Variants in ATL2 observed in about 807,000 individuals in gnomAD.
ATL2 encodes the protein atlastin-2.
In ATL2, 31 loss-of-function variants were observed where a neutral mutation model predicts 73.9. That is an observed-to-expected ratio of 0.42 (90% confidence interval 0.32 to 0.57). ATL2 has a LOEUF of 0.57. Ranked by LOEUF, ATL2 falls within the 20% of genes least tolerant of loss-of-function variation. ATL2 has a pLI of 0.14. For synonymous variants in ATL2, 291 were observed against 237.5 expected, an observed-to-expected ratio of 1.23 and a Z score of -2.07; for missense variants, 738 against 702.6, an observed-to-expected ratio of 1.05 and a Z score of -0.57.
At position 38,372,976 on chromosome 2, in the gene ATL2, C is replaced by A. The variant is rs564884007; in HGVS notation, c.118+4167G>T. Among the ~76,000 whole-genome samples the A allele has an allele frequency of 3.9e-5, 6 of 152,276 alleles. No homozygotes were observed. In the South Asian group the frequency reaches 1.2e-3, roughly 32 times the overall value. On this transcript the variant is annotated intron_variant, in intron 1 of 12. Coordinates refer to ENST00000378954, the MANE Select transcript of ATL2 (RefSeq NM_001135673.4). ...CAAATATACACATTATATATAATAG[C>A]ATAATAACACAAGTAGTCACACTGG...
chr2:38,296,043 G>C lies in ATL2; in HGVS notation c.1703C>G (p.Ala568Gly), dbSNP rs1364761487. 1.9e-6 allele frequency: 3 copies of C among 1,551,780 alleles called. No individual in the cohort carries two copies. In the Admixed American group the frequency reaches 5.9e-5, roughly 30 times the overall value. The change falls in exon 13 of 13, where the codon GCA becomes GGA. Residue 568 changes from alanine to glycine, a missense_variant. Ala to Gly is a moderately conservative substitution (Grantham distance 60, BLOSUM62 0). Coordinates refer to ENST00000378954, the MANE Select transcript of ATL2 (RefSeq NM_001135673.4). ...IRQSVTNSIK[A>G]GLTDQVSHHA... ...ATGAGACACCTGGTCAGTCAGGCCTGCTTTGATAGAGTTTGTTACAGACTG... is the reference window on the plus strand; with the variant it reads ...ATGAGACACCTGGTCAGTCAGGCCTCCTTTGATAGAGTTTGTTACAGACTG...
intron 1 of ATL2, among the ~76,000 whole-genome samples, chr2:38,353,527 T>C (rs1670480981): frequency 6.6e-6 from 1 of 152,158 alleles, no homozygotes; most frequent in Admixed American, 6.6e-5. Flanking sequence ...GAAAAAATAT[T>C]TGAAGAAGCA....
intron 2 of ATL2, among the ~76,000 whole-genome samples, chr2:38,332,301 G>T (rs1669044920): frequency 6.6e-6 from 1 of 152,112 alleles, no homozygotes; most frequent in African/African-American, 2.4e-5. Context: ...CAACCTCCTG[G>T]GCTCAAGACA....
chr2:38,296,290 A>T (rs1250988836), intron 12 of ATL2, 177 bp from the exon 13 acceptor site: 1 of 1,438,978 alleles, frequency 6.9e-7, no homozygotes, highest in Non-Finnish European at 9.1e-7. Flanking sequence ...TTATAATGCA[A>T]CAAAAATTAC....
chr2:38,375,369 C>T (rs6760123), intron 1 of ATL2, among the ~76,000 whole-genome samples: 54,804 of 151,984 alleles, frequency 0.36, 10,026 homozygotes, highest in South Asian at 0.46. Flanking sequence ...CAATCATTTG[C>T]TAGGAATGGC....
chr2:38,358,565 G>C (rs773083682), intron 1 of ATL2: 5 of 328,918 alleles, frequency 1.5e-5, no homozygotes. Flanking sequence ...GGTGGCAGGC[G>C]CCTGTAGTCC....
intron 1 of ATL2, among the ~76,000 whole-genome samples, chr2:38,355,534 G>C (rs1280162269): frequency 6.6e-6 from 1 of 152,098 alleles, no homozygotes; most frequent in Non-Finnish European, 1.5e-5. Context: ...AGCTAAAGTA[G>C]CTACATAAAC....
intron 9 of ATL2, among the ~76,000 whole-genome samples, chr2:38,301,581 GA>G (rs747728387): frequency 6.6e-5 from 10 of 152,172 alleles, no homozygotes; most frequent in Non-Finnish European, 1.5e-4. Context: ...TAGGGAAGTC[GA>G]AAGCAGTGAC....
intron 5 of ATL2, 106 bp downstream of exon 5, chr2:38,315,178 G>C (rs1050954852): frequency 1.8e-5 from 21 of 1,147,060 alleles, no homozygotes; most frequent in Non-Finnish European, 2.2e-5. Context: ...TTGAACTTGG[G>C]AGGGGGAGGT....
chr2:38,342,889 G>A (rs1669804488), intron 2 of ATL2, among the ~76,000 whole-genome samples: 1 of 150,764 alleles, frequency 6.6e-6, no homozygotes, highest in African/African-American at 2.4e-5. Flanking sequence ...TATTGACCAG[G>A]AAGTCCTATA....
At chr2:38,349,189 C>T (rs533849975) in intron 1 of ATL2, among the ~76,000 whole-genome samples, 2 of 152,000 alleles carry the variant, frequency 1.3e-5, no homozygotes, top group Non-Finnish European at 2.9e-5. Flanking sequence ...ACCCAAAGGA[C>T]TATAAATCAT....
intron 5 of ATL2, 23 bp downstream of exon 5, chr2:38,315,261 A>G (rs779743985): frequency 1.8e-5 from 27 of 1,472,960 alleles, no homozygotes; most frequent in Non-Finnish European, 1.8e-6. Context: ...CAAAAAATAA[A>G]AATTAAAAAA....
chr2:38,352,764 G>C (rs1484962395), intron 1 of ATL2, among the ~76,000 whole-genome samples: 1 of 152,216 alleles, frequency 6.6e-6, no homozygotes, highest in Non-Finnish European at 1.5e-5. Context: ...ACATATCTTA[G>C]AATTAAGGGT....
At position 38,296,819 on chromosome 2, in the gene ATL2, T is replaced by C. The variant is rs139875817; in HGVS notation, c.1633-706A>G. On this transcript the variant is annotated intron_variant, in intron 12 of 12. Transcript: ENST00000378954. ...ATACTGAAAATGATTTTATACACTT[T>C]AGATTCTTCCATTTAATTGTTTTGT... The C allele has an allele frequency of 3.0e-5, 43 of 1,412,582 alleles. 1 individual carries two copies. In the African/African-American group the frequency reaches 4.8e-4, roughly 16 times the overall value. 87.5% of individuals were successfully genotyped at this position (1,412,582 alleles called of 1,614,324 possible).
intron 1 of ATL2, among the ~76,000 whole-genome samples, chr2:38,360,128 C>CAAAAAAAAAA (rs755582696): frequency 2.4e-5 from 2 of 81,960 alleles, no homozygotes; most frequent in African/African-American, 7.3e-5. Context: ...GGCTCCATTT[C>CAAAAAAAAAA]AAAAAAAAAA....
intron 2 of ATL2, among the ~76,000 whole-genome samples, chr2:38,324,877 T>C (rs61147419): frequency 0.1 from 15,565 of 152,148 alleles, 2,346 homozygotes; most frequent in African/African-American, 0.33. Flanking sequence ...GCCAGGGGAT[T>C]GGGGAGAGAA....
chr2:38,365,154 CACACACACACAAAT>C (rs1465144730), intron 1 of ATL2, among the ~76,000 whole-genome samples: 40 of 148,656 alleles, frequency 2.7e-4, no homozygotes, highest in East Asian at 1.4e-3. Context: ...CACACACACA[CACACACACACAAAT>C]ACACACACAC....
intron 7 of ATL2, among the ~76,000 whole-genome samples, chr2:38,312,743 C>T (rs565372663): frequency 1.3e-5 from 2 of 151,596 alleles, no homozygotes; most frequent in South Asian, 2.1e-4. Context: ...CTTGCTTTTC[C>T]CTTCACCATC....
At chr2:38,330,941 G>T (rs955507573) in intron 2 of ATL2, among the ~76,000 whole-genome samples, 1 of 152,072 alleles carries the variant, frequency 6.6e-6, no homozygotes, top group Non-Finnish European at 1.5e-5. Flanking sequence ...GAACAAAATG[G>T]GACTCACTTC....
Sources: allele counts gnomAD v4.1 joint callset (sites outside exome capture counted in the v4.1 genomes callset), GRCh38; gene constraint gnomAD v4.1.1; transcripts MANE v1.5; gene names NCBI Gene and HGNC (gene_info 2026-07-23, HGNC 2026-07-21).